TRPC5: variants seen among roughly 807,000 people sequenced by gnomAD.
TRPC5 encodes transient receptor potential cation channel subfamily C member 5.
Under a neutral mutation model 56.5 loss-of-function variants are expected in TRPC5, and 9 were observed. The observed-to-expected ratio is 0.16, with a 90% CI of 0.10 to 0.28. The LOEUF is 0.28. Ranked by LOEUF, TRPC5 falls within the 10% of genes least tolerant of loss-of-function variation. The pLI, the probability that TRPC5 is intolerant of heterozygous loss-of-function variation, is 1.00. For missense variants in TRPC5, 469 were observed against 748.9 expected, an observed-to-expected ratio of 0.63 and a Z score of 4.36; for synonymous variants, 282 against 278.5, an observed-to-expected ratio of 1.01 and a Z score of -0.13.
intron 1 of TRPC5, among the ~76,000 whole-genome samples, chrX:112,039,803 A>G (rs1485122047): frequency 8.9e-6 from 1 of 111,940 alleles, no homozygotes; most frequent in African/African-American, 3.3e-5. Context: ...GGGCATTCAG[A>G]TGTTAGCAAG....
chrX:112,069,716 T>G (rs1040288378), intron 1 of TRPC5, among the ~76,000 whole-genome samples: 2 of 112,129 alleles, frequency 1.8e-5, no homozygotes, highest in East Asian at 5.6e-4. Flanking sequence ...TGCTCTGCCT[T>G]TAGTTTGCCC....
chrX:111,844,959 C>T (rs986860168), intron 6 of TRPC5, among the ~76,000 whole-genome samples: 1 of 110,012 alleles, frequency 9.1e-6, no homozygotes, highest in African/African-American at 3.3e-5. Flanking sequence ...TGCCTGAGGC[C>T]GGGTGCAGTG....
intron 1 of TRPC5, among the ~76,000 whole-genome samples, chrX:111,977,356 T>C (rs1418378940): frequency 9.0e-6 from 1 of 111,162 alleles, no homozygotes; most frequent in Non-Finnish European, 1.9e-5. Context: ...ATCTTCGGAG[T>C]GTCAAAAACG....
intron 7 of TRPC5, among the ~76,000 whole-genome samples, chrX:111,823,942 T>C (rs1338046685): frequency 9.0e-6 from 1 of 111,200 alleles, no homozygotes; most frequent in Non-Finnish European, 1.9e-5. Flanking sequence ...ATTAAGAGTA[T>C]GCCCTTGGCA....
chrX:112,029,782 A>T (rs1347876459), intron 1 of TRPC5, among the ~76,000 whole-genome samples: 1 of 111,423 alleles, frequency 9.0e-6, no homozygotes, highest in Non-Finnish European at 1.9e-5. Flanking sequence ...GATACTCAAA[A>T]TTAGAAGAAA....
At chrX:111,929,393 T>G (rs1926346943) in intron 2 of TRPC5, among the ~76,000 whole-genome samples, 1 of 112,638 alleles carries the variant, frequency 8.9e-6, no homozygotes, top group Admixed American at 9.4e-5. Flanking sequence ...CATTGGCATG[T>G]TTAACTCTTT....
At chrX:111,964,168 G>A (rs1029206447) in intron 1 of TRPC5, among the ~76,000 whole-genome samples, 6 of 112,190 alleles carry the variant, frequency 5.3e-5, no homozygotes, top group African/African-American at 1.3e-4. Context: ...CGAGAACTAC[G>A]TGAAGAATGC....
At chrX:111,963,601 G>A (rs1927461827) in intron 1 of TRPC5, among the ~76,000 whole-genome samples, 1 of 111,381 alleles carries the variant, frequency 9.0e-6, no homozygotes, top group Non-Finnish European at 1.9e-5. Flanking sequence ...CACCTCACAC[G>A]GCCGGGTACT....
chrX:111,780,061 C>G (rs760301588), intron 9 of TRPC5, among the ~76,000 whole-genome samples: 4 of 111,470 alleles, frequency 3.6e-5, no homozygotes, highest in Non-Finnish European at 7.5e-5. Context: ...TAGTTATGGT[C>G]TAAGGGGAAC....
intron 1 of TRPC5, among the ~76,000 whole-genome samples, chrX:112,033,174 A>G (rs1255074363): frequency 1.1e-5 from 1 of 89,446 alleles, no homozygotes; most frequent in African/African-American, 4.3e-5. Context: ...AACAATGAGA[A>G]CACTTGGACA....
At chrX:111,935,314 T>A (rs1386640307) in intron 2 of TRPC5, among the ~76,000 whole-genome samples, 2 of 112,063 alleles carry the variant, frequency 1.8e-5, no homozygotes, top group African/African-American at 6.5e-5. Flanking sequence ...ATAGGAAGAC[T>A]AATCGTTTTT....
intron 1 of TRPC5, among the ~76,000 whole-genome samples, chrX:111,964,935 G>A (rs928721014): frequency 9.9e-5 from 11 of 111,627 alleles, no homozygotes; most frequent in African/African-American, 2.9e-4. Context: ...AAAATAACCC[G>A]CTAACATCAA....
At chrX:112,000,779 T>C (rs1388417788) in intron 1 of TRPC5, among the ~76,000 whole-genome samples, 2 of 111,862 alleles carry the variant, frequency 1.8e-5, no homozygotes, top group African/African-American at 6.5e-5. Flanking sequence ...GGTTTCCTTA[T>C]CACTTTTGTT....
chrX:111,817,031 C>T (rs918135251), intron 7 of TRPC5, among the ~76,000 whole-genome samples: 9 of 111,857 alleles, frequency 8.0e-5, no homozygotes, highest in Non-Finnish European at 1.7e-4. Flanking sequence ...ATAATGGCCT[C>T]GCAGGGCCCT....
intron 2 of TRPC5, among the ~76,000 whole-genome samples, chrX:111,917,508 G>A (rs1926010160): frequency 8.9e-6 from 1 of 112,456 alleles, no homozygotes; most frequent in Non-Finnish European, 1.9e-5. Flanking sequence ...AATTGAGATA[G>A]TGCATACAGG....
chrX:111,782,279 C>T, intron 7 of TRPC5, 141 bp from the exon 8 acceptor site: 1 of 442,468 alleles, frequency 2.3e-6, no homozygotes, highest in Admixed American at 4.7e-5. Context: ...TACCCTGTCA[C>T]CCAGTAACCC....
chrX:111,934,235 T>C (rs1926500836), intron 2 of TRPC5, among the ~76,000 whole-genome samples: 2 of 109,246 alleles, frequency 1.8e-5, no homozygotes, highest in African/African-American at 6.8e-5. Context: ...CGTTTTTTTG[T>C]TTTGTTTTGT....
chrX:111,969,427 T>C (rs1311746077), intron 1 of TRPC5, among the ~76,000 whole-genome samples: 1 of 111,934 alleles, frequency 8.9e-6, no homozygotes, highest in Non-Finnish European at 1.9e-5. Flanking sequence ...CATCCTTCTG[T>C]TTCAGGGCAG....
intron 1 of TRPC5, among the ~76,000 whole-genome samples, chrX:111,964,209 G>A (rs753525103): frequency 8.9e-6 from 1 of 112,084 alleles, no homozygotes; most frequent in Non-Finnish European, 1.9e-5. Context: ...CGATCAACTG[G>A]AAGAAAGGGT....
Sources: allele counts gnomAD v4.1 joint callset (sites outside exome capture counted in the v4.1 genomes callset), GRCh38; gene constraint gnomAD v4.1.1; transcripts MANE v1.5; gene names NCBI Gene and HGNC (gene_info 2026-07-23, HGNC 2026-07-21).